The following MITF variants were observed in gnomAD, a reference collection of about 807,000 sequenced individuals.
MITF encodes melanocyte inducing transcription factor.
MITF carries 17 observed loss-of-function variants against 60.5 expected under a neutral mutation model. The ratio of observed to expected loss-of-function variants is 0.28; its 90% confidence interval spans 0.19 to 0.42. The LOEUF (loss-of-function observed/expected upper bound fraction) is 0.42. Ranked by LOEUF, MITF falls within the 10% of genes least tolerant of loss-of-function variation. The probability of loss-of-function intolerance (pLI) is 1.00; values close to 1 mark genes in which losing one functional copy is unlikely to be tolerated. For synonymous variants in MITF, 260 were observed against 248.5 expected (o/e 1.05, Z -0.43); for missense variants, 622 against 683.5 (o/e 0.91, Z 1.00).
At position 69,955,049 on chromosome 3, in the gene MITF, C is replaced by G. The variant is rs149006037; in HGVS notation, c.956-1406C>G. ...CATATGCCTTATTATGTCATCCTCC[C>G]CTAAGAACATGATAGTTGACCTTAC... On this transcript the variant is annotated intron_variant, in intron 7 of 9. Transcript: ENST00000352241. Among the ~76,000 whole-genome samples, 5 of 152,184 alleles carry G rather than the reference C, an allele frequency of 3.3e-5. No individual in the cohort carries two copies. The East Asian group carries it at 9.7e-4, about 29-fold the overall frequency.
chr3:69,773,950 A>T (rs925027612), intron 1 of MITF, among the ~76,000 whole-genome samples: 1 of 152,190 alleles, frequency 6.6e-6, no homozygotes, highest in African/African-American at 2.4e-5. Flanking sequence ...ATTGAGTAGG[A>T]GGAGAGATTC....
chr3:69,889,040 T>TTG (rs1553694458), intron 2 of MITF, among the ~76,000 whole-genome samples: 1 of 146,530 alleles, frequency 6.8e-6, no homozygotes, highest in African/African-American at 2.5e-5. Context: ...TTTTTTTTTT[T>TTG]TTTTTTTTTT....
chr3:69,766,376 ATTTTTTTTTTT>A (rs753953309), intron 1 of MITF, among the ~76,000 whole-genome samples: 87 of 95,134 alleles, frequency 9.1e-4, no homozygotes, highest in African/African-American at 1.8e-3. Flanking sequence ...TGCCCAGCTA[ATTTTTTTTTTT>A]TTTTTTTTTT....
chr3:69,959,497 A>G (rs1335122567), intron 9 of MITF, 77 bp downstream of exon 9: 8 of 1,560,078 alleles, frequency 5.1e-6, no homozygotes, highest in Non-Finnish European at 7.0e-6. Context: ...ATAATGAGCC[A>G]TAGGGGAGTT....
At chr3:69,897,061 A>C in intron 2 of MITF, among the ~76,000 whole-genome samples, 1 of 152,164 alleles carries the variant, frequency 6.6e-6, no homozygotes, top group Admixed American at 6.5e-5. Flanking sequence ...AGCAGAAGGT[A>C]GGACTAGGAG....
rs187471185 is a variant in MITF at position 69,837,519 on chromosome 3, T to C, written c.105-41615T>C. The stretch of plus-strand genomic sequence containing the variant: ...GGGATTTTATAGGTGACTTAAATTC[T>C]GTTCGTGTGTATTTAAAAAATTTCC... On this transcript the variant is annotated intron_variant, in intron 1 of 9. Coordinates refer to ENST00000352241, the MANE Select transcript of MITF (RefSeq NM_001354604.2). 2.1e-3 allele frequency among the ~76,000 whole-genome samples: 324 copies of C among 152,372 alleles called. 1 individual carries two copies. Among genetic ancestry groups the C allele is most frequent in the Admixed American group, 3.9e-3 (60 of 15,308 alleles).
At chr3:69,960,037 C>T (rs938945437) in intron 9 of MITF, among the ~76,000 whole-genome samples, 1 of 152,194 alleles carries the variant, frequency 6.6e-6, no homozygotes, top group African/African-American at 2.4e-5. Context: ...ACTAGGGTCT[C>T]ACAGGAACCT....
At chr3:69,957,233 A>G (rs1037226300) in intron 8 of MITF, among the ~76,000 whole-genome samples, 1 of 152,186 alleles carries the variant, frequency 6.6e-6, no homozygotes, top group African/African-American at 2.4e-5. Context: ...GTTTTTATCC[A>G]TTAGAAATTG....
intron 2 of MITF, among the ~76,000 whole-genome samples, chr3:69,900,875 C>T (rs2064980277): frequency 1.3e-5 from 2 of 152,014 alleles, no homozygotes; most frequent in Admixed American, 6.6e-5. Context: ...CATTTGTTAA[C>T]TATTAAAATC....
chr3:69,827,557 A>G (rs1442203703), intron 1 of MITF, among the ~76,000 whole-genome samples: 1 of 152,148 alleles, frequency 6.6e-6, no homozygotes, highest in African/African-American at 2.4e-5. Context: ...TTTGCCTACA[A>G]CACGTCAAGC....
Position 69,754,633 on chromosome 3 carries a change from T to G in MITF, c.104+14932T>G, listed in dbSNP as rs552416021. On this transcript the variant is annotated intron_variant, in intron 1 of 9. Coordinates refer to ENST00000352241, the MANE Select transcript of MITF (RefSeq NM_001354604.2). ...GAACCAATTACATCTCTCTTTTTTTTTTTTTTGAAATAAATTACCCAGTCT... is the reference window on the plus strand; with the variant it reads ...GAACCAATTACATCTCTCTTTTTTTGTTTTTTGAAATAAATTACCCAGTCT... Among the ~76,000 whole-genome samples the G allele has an allele frequency of 2.6e-5, 4 of 152,288 alleles. No individual in the cohort carries two copies. In the South Asian group the frequency reaches 8.3e-4, roughly 32 times the overall value.
chr3:69,909,944 G>A (rs1436427991), intron 2 of MITF, among the ~76,000 whole-genome samples: 1 of 152,186 alleles, frequency 6.6e-6, no homozygotes, highest in Non-Finnish European at 1.5e-5. Context: ...AAGTAGCAAG[G>A]AGCCTAATGT....
At chr3:69,942,740 C>A (rs1252389399) in intron 5 of MITF, among the ~76,000 whole-genome samples, 1 of 152,036 alleles carries the variant, frequency 6.6e-6, no homozygotes, top group Non-Finnish European at 1.5e-5. Context: ...CCTATGAGGC[C>A]AAACTACACT....
intron 1 of MITF, among the ~76,000 whole-genome samples, chr3:69,877,272 G>C (rs1202120439): frequency 6.6e-6 from 1 of 151,908 alleles, no homozygotes; most frequent in African/African-American, 2.4e-5. Flanking sequence ...TGTAATATCA[G>C]TTTTTGCACA....
chr3:69,891,319 C>T (rs915633082), intron 2 of MITF, among the ~76,000 whole-genome samples: 3 of 152,160 alleles, frequency 2.0e-5, no homozygotes, highest in Admixed American at 1.3e-4. Context: ...TCTGACAAGA[C>T]ATTTAATTTT....
At chr3:69,765,443 A>T (rs946387519) in intron 1 of MITF, among the ~76,000 whole-genome samples, 1 of 152,192 alleles carries the variant, frequency 6.6e-6, no homozygotes, top group Admixed American at 6.5e-5. Context: ...AAAATTATAG[A>T]TATTTCCATC....
intron 1 of MITF, among the ~76,000 whole-genome samples, chr3:69,751,047 C>T (rs867681565): frequency 6.6e-6 from 1 of 152,032 alleles, no homozygotes; most frequent in African/African-American, 2.4e-5. Context: ...CCATAAGGAG[C>T]CCTGGCCCAA....
At chr3:69,760,655 C>T (rs1196596245) in intron 1 of MITF, among the ~76,000 whole-genome samples, 11 of 152,070 alleles carry the variant, frequency 7.2e-5, no homozygotes. Context: ...AGTGAGGGCA[C>T]CTAGAGGTTG....
chr3:69,748,877 G>A (rs1703826267), intron 1 of MITF, among the ~76,000 whole-genome samples: 1 of 152,202 alleles, frequency 6.6e-6, no homozygotes, highest in Non-Finnish European at 1.5e-5. Flanking sequence ...TGCCTCAGTG[G>A]AAAGAAGACT....
Sources: allele counts gnomAD v4.1 joint callset (sites outside exome capture counted in the v4.1 genomes callset), GRCh38; gene constraint gnomAD v4.1.1; transcripts MANE v1.5; gene names NCBI Gene and HGNC (gene_info 2026-07-23, HGNC 2026-07-21).